EED: variants seen among roughly 807,000 people sequenced by gnomAD.
EED encodes embryonic ectoderm development, also known as polycomb protein EED.
In EED, 9 loss-of-function variants were observed where a neutral mutation model predicts 61.0. That is an observed-to-expected ratio of 0.15 (90% CI 0.09 to 0.26). EED has a LOEUF of 0.26. EED is among the 10% of genes least tolerant of loss of function. EED has a pLI of 1.00. For missense variants in EED, 315 were observed against 542.3 expected, an observed-to-expected ratio of 0.58 and a Z score of 4.16; for synonymous variants, 187 against 174.4, an observed-to-expected ratio of 1.07 and a Z score of -0.57.
chr11:86,259,129 A>T (rs56683247), intron 6 of EED, among the ~76,000 whole-genome samples: 6 of 151,456 alleles, frequency 4.0e-5, no homozygotes, highest in African/African-American at 1.5e-4. Flanking sequence ...CGGCCTCCCA[A>T]AGTGCTGGGA....
Position 86,255,248 on chromosome 11 carries a change from A to G in EED, c.387A>G (p.Gln129=), listed in dbSNP as rs1225330920. The part of the protein sequence containing the change: ...NRVTLYECHS[Q]GEIRLLQSYV... ...TTACCTTGTATGAATGTCATTCACA[A>G]GGAGAAATCCGGTTGTTGCAATCTT... is the stretch of plus-strand genomic sequence containing the variant. Residue 129 remains glutamine, a synonymous_variant, in exon 4 of 12, where the codon CAA becomes CAG. Coordinates refer to ENST00000263360, the MANE Select transcript of EED (RefSeq NM_003797.5). 1 of 1,610,740 alleles carries G rather than the reference A, an allele frequency of 6.2e-7. No individual in the cohort carries two copies. Among genetic ancestry groups the G allele is most frequent in the Non-Finnish European group, 8.5e-7 (1 of 1,177,522 alleles).
At chr11:86,272,429 A>G (rs1044647637) in intron 9 of EED, among the ~76,000 whole-genome samples, 1 of 152,040 alleles carries the variant, frequency 6.6e-6, no homozygotes, top group Non-Finnish European at 1.5e-5. Flanking sequence ...GTTTTTGAGA[A>G]TTTGTTTTAT....
downstream of EED, among the ~76,000 whole-genome samples, chr11:86,280,859 G>T (rs895565398): frequency 2.0e-5 from 3 of 152,148 alleles, no homozygotes; most frequent in Admixed American, 2.0e-4. Context: ...TACCTATTTT[G>T]TTGGGAGTTA....
At chr11:86,276,920 A>T in intron 9 of EED, 60 bp from the exon 10 acceptor site, 1 of 1,378,870 alleles carries the variant, frequency 7.3e-7, no homozygotes, top group Non-Finnish European at 9.5e-7. Context: ...CCTTGTTTTT[A>T]CTTTGTAAGA....
Position 86,278,423 on chromosome 11 carries a change from A to G in EED, c.1224A>G (p.Lys408=), listed in dbSNP as rs775843841. 5.0e-6 allele frequency: 8 copies of G among 1,613,396 alleles called. No homozygotes were observed. The highest frequency in any genetic ancestry group is 5.9e-6 in the Non-Finnish European group (7 of 1,179,784). ...KAKCTTLTHH[K]CGAAIRQTSF... ...GATGTACAACACTGACTCATCATAA[A>G]TGTGGTGCTGCTATTCGACAAACCA... The change falls in exon 12 of 12, where the codon AAA becomes AAG. Residue 408 remains lysine, a synonymous_variant. Transcript: ENST00000263360.
chr11:86,271,449 CA>C (rs1946110029), intron 9 of EED, among the ~76,000 whole-genome samples: 1 of 152,188 alleles, frequency 6.6e-6, no homozygotes, highest in Non-Finnish European at 1.5e-5. Flanking sequence ...ATGTGATCTG[CA>C]AATAAGGACA....
At chr11:86,279,067 G>A (rs961772438), downstream of EED, among the ~76,000 whole-genome samples, 1 of 152,176 alleles carries the variant, frequency 6.6e-6, no homozygotes, top group Non-Finnish European at 1.5e-5. Flanking sequence ...AGCCCTAAAT[G>A]TATTCTGTGT....
chr11:86,275,411 C>A (rs78062031), intron 9 of EED, among the ~76,000 whole-genome samples: 4,740 of 152,248 alleles, frequency 0.031, 238 homozygotes, highest in African/African-American at 0.11. Context: ...CTGCATCGGA[C>A]TCACTAGGAG....
chr11:86,263,895 C>T (rs1945907149), intron 6 of EED: 1 of 364,394 alleles, frequency 2.7e-6, no homozygotes, highest in Non-Finnish European at 5.0e-6. Context: ...CCCCCATGAC[C>T]TAAATACCTC....
At chr11:86,267,555 C>A (rs1032709457) in intron 8 of EED, among the ~76,000 whole-genome samples, 1 of 152,084 alleles carries the variant, frequency 6.6e-6, no homozygotes, top group East Asian at 1.9e-4. Context: ...CATTTAGTTT[C>A]CTAAATACAG....
chr11:86,260,586 G>A (rs1204071063), intron 6 of EED, among the ~76,000 whole-genome samples: 1 of 151,948 alleles, frequency 6.6e-6, no homozygotes, highest in Non-Finnish European at 1.5e-5. Flanking sequence ...TTTTGAAGAG[G>A]GACTGTCATT....
the EED span, among the ~76,000 whole-genome samples, chr11:86,285,168 G>C: frequency 3.3e-5 from 5 of 151,836 alleles, no homozygotes; most frequent in Non-Finnish European, 7.4e-5. Flanking sequence ...GCCTGTAATC[G>C]CAGCACTTTG....
chr11:86,273,274 T>C (rs1005557460), intron 9 of EED, among the ~76,000 whole-genome samples: 3 of 152,226 alleles, frequency 2.0e-5, no homozygotes, highest in Non-Finnish European at 4.4e-5. Flanking sequence ...TCCCCTGCAT[T>C]GGCCTCCCAA....
chr11:86,245,233 T>C lies in EED; in HGVS notation c.4T>C (p.Ser2Pro), dbSNP rs745543096. 6.8e-6 allele frequency: 11 copies of C among 1,612,920 alleles called. No homozygotes were observed. Among genetic ancestry groups the C allele is most frequent in the East Asian group, 4.5e-5 (2 of 44,660 alleles). ...ACCTGGAGGGAGGCGGAGGAATATG[T>C]CCGAGAGGGAAGTGTCGACTGCGCC... M[S>P]EREVSTAPAG... The change falls in exon 1 of 12, where the codon TCC becomes CCC. Residue 2 changes from serine (S) to proline (P), a missense_variant. Coordinates refer to ENST00000263360, the MANE Select transcript of EED (RefSeq NM_003797.5).
chr11:86,286,622 A>G, the EED span, among the ~76,000 whole-genome samples: 1 of 152,162 alleles, frequency 6.6e-6, no homozygotes, highest in East Asian at 1.9e-4. Flanking sequence ...GGCTTGAACA[A>G]GGTATCATCT....
At position 86,276,938 on chromosome 11, in the gene EED, C is replaced by T. The variant is rs117553801; in HGVS notation, c.967-42C>T. The T allele has an allele frequency of 7.3e-3, 10,457 of 1,428,790 alleles. 55 individuals carry two copies. The highest frequency in any genetic ancestry group is 8.5e-3 in the Non-Finnish European group (9,128 of 1,080,060). 88.5% of individuals were successfully genotyped at this position (1,428,790 alleles called of 1,614,324 possible). The stretch of plus-strand genomic sequence containing the variant: ...TGTTTTTACTTTGTAAGATTCAGTT[C>T]CTCATTAACATTTCTTTTTCTCATT... On this transcript the variant is annotated intron_variant, in intron 9 of 11. Transcript: ENST00000263360.
intron 5 of EED, among the ~76,000 whole-genome samples, chr11:86,256,909 A>C (rs1031931974): frequency 4.6e-5 from 7 of 152,160 alleles, no homozygotes; most frequent in African/African-American, 1.7e-4. Flanking sequence ...CGGGTTTTTC[A>C]AATCACTTTC....
chr11:86,283,601 T>C (rs997590076), downstream of EED, among the ~76,000 whole-genome samples: 2 of 152,212 alleles, frequency 1.3e-5, no homozygotes, highest in Admixed American at 6.5e-5. Flanking sequence ...TAAGAGGCTA[T>C]GATGACTGAC....
intron 9 of EED, among the ~76,000 whole-genome samples, chr11:86,268,764 A>G (rs971393121): frequency 6.6e-6 from 1 of 152,172 alleles, no homozygotes; most frequent in Non-Finnish European, 1.5e-5. Flanking sequence ...AAAACATGCC[A>G]TTGAATTATA....
Sources: allele counts gnomAD v4.1 joint callset (sites outside exome capture counted in the v4.1 genomes callset), GRCh38; gene constraint gnomAD v4.1.1; transcripts MANE v1.5; gene names NCBI Gene and HGNC (gene_info 2026-07-23, HGNC 2026-07-21).